The following INTS6 variants were observed in gnomAD, a reference collection of about 807,000 sequenced individuals.
INTS6 encodes DEAD box protein.
INTS6 carries 16 observed loss-of-function variants against 104.9 expected under a neutral mutation model. The ratio of observed to expected loss-of-function variants is 0.15; its 90% CI spans 0.10 to 0.23. The LOEUF (loss-of-function observed/expected upper bound fraction) is 0.23, where lower values mean the gene tolerates loss of function less well. Among genes scored for constraint, INTS6 ranks in the 10% least tolerant of loss-of-function variants. INTS6 has a pLI of 1.00. For missense variants in INTS6, 584 were observed against 1,062.8 expected, an observed-to-expected ratio of 0.55 and a Z score of 6.26; for synonymous variants, 324 against 358.7, an observed-to-expected ratio of 0.90 and a Z score of 1.09.
intron 4 of INTS6, among the ~76,000 whole-genome samples, chr13:51,403,117 T>C (rs528601026): frequency 6.6e-6 from 1 of 152,258 alleles, no homozygotes; most frequent in East Asian, 1.9e-4. Context: ...TTTTAAACTG[T>C]AGAATGTAAA....
intron 4 of INTS6, among the ~76,000 whole-genome samples, chr13:51,399,788 C>T (rs1956403464): frequency 6.6e-6 from 1 of 152,026 alleles, no homozygotes; most frequent in African/African-American, 2.4e-5. Flanking sequence ...AAGTGGAATA[C>T]CTTTTCATAC....
intron 7 of INTS6, 80 bp downstream of exon 7, chr13:51,387,306 G>T: frequency 7.6e-7 from 1 of 1,308,096 alleles, no homozygotes; most frequent in Non-Finnish European, 1.0e-6. Flanking sequence ...ATTAATCACA[G>T]CTTTGACAAC....
chr13:51,352,004 G>A (rs1446143403), downstream of INTS6, among the ~76,000 whole-genome samples: 1 of 152,016 alleles, frequency 6.6e-6, no homozygotes, highest in African/African-American at 2.4e-5. Flanking sequence ...ATAGATATTT[G>A]TATATTTGCC....
intron 3 of INTS6, chr13:51,444,095 T>G (rs1228222568): frequency 6.6e-6 from 1 of 152,520 alleles, no homozygotes; most frequent in Non-Finnish European, 1.5e-5. Context: ...TGTTTTGTTT[T>G]GTTTTTTTGA....
At chr13:51,338,228 C>G in the INTS6 span, among the ~76,000 whole-genome samples, 8 of 152,158 alleles carry the variant, frequency 5.3e-5, no homozygotes, top group Non-Finnish European at 1.2e-4. Flanking sequence ...CCCTGGAATT[C>G]CTGCTACAGG....
chr13:51,367,583 G>A (rs564213276), intron 17 of INTS6, among the ~76,000 whole-genome samples: 1 of 152,080 alleles, frequency 6.6e-6, no homozygotes, highest in African/African-American at 2.4e-5. Context: ...CCAGTAATTT[G>A]TAGGGAGAAA....
chr13:51,399,943 C>G (rs1956406583), intron 4 of INTS6, among the ~76,000 whole-genome samples: 1 of 152,118 alleles, frequency 6.6e-6, no homozygotes. Flanking sequence ...CAGGGATCCC[C>G]AAGTCTGTGG....
intron 4 of INTS6, among the ~76,000 whole-genome samples, chr13:51,413,008 A>G (rs9535660): frequency 0.12 from 17,970 of 152,182 alleles, 1,322 homozygotes; most frequent in South Asian, 0.21. Context: ...AATGCTTCAA[A>G]ATTTTATTCA....
At chr13:51,429,785 A>AATATATATATATAT (rs201277531) in intron 4 of INTS6, among the ~76,000 whole-genome samples, 14 of 92,344 alleles carry the variant, frequency 1.5e-4, no homozygotes, top group Non-Finnish European at 2.8e-4. Context: ...AAAAAAAAAA[A>AATATATATATATAT]ATATATATAT....
intron 3 of INTS6, chr13:51,437,045 G>A (rs1409982745): frequency 1.3e-5 from 2 of 152,134 alleles, no homozygotes; most frequent in African/African-American, 4.8e-5. Context: ...CTGAGGCTAA[G>A]ATTTCAGGAT....
intron 16 of INTS6, 117 bp downstream of exon 16, chr13:51,368,822 A>C: frequency 9.4e-7 from 1 of 1,066,074 alleles, no homozygotes; most frequent in Non-Finnish European, 1.3e-6. Context: ...ATGTTGTTCA[A>C]GACAGATCTA....
chr13:51,341,218 G>A, the INTS6 span: 45 of 1,614,008 alleles, frequency 2.8e-5, no homozygotes, highest in African/African-American at 4.0e-5. Context: ...GAGTGTGGCC[G>A]CGTGTAGAAA....
intron 15 of INTS6, among the ~76,000 whole-genome samples, chr13:51,370,905 GCTCAGAA>G (rs1385612955): frequency 1.3e-5 from 2 of 152,104 alleles, no homozygotes; most frequent in Non-Finnish European, 2.9e-5. Flanking sequence ...CTATTCCCTA[GCTCAGAA>G]CTCCCAACCG....
intron 3 of INTS6, chr13:51,445,150 C>T (rs2138157798): frequency 6.6e-6 from 1 of 152,218 alleles, no homozygotes; most frequent in East Asian, 1.9e-4. Context: ...AAGGCATGTG[C>T]TTTTTTCACA....
intron 4 of INTS6, among the ~76,000 whole-genome samples, chr13:51,421,745 A>T (rs1476608619): frequency 6.6e-6 from 1 of 152,170 alleles, no homozygotes; most frequent in Non-Finnish European, 1.5e-5. Context: ...TCTGACATGG[A>T]GAAGCATGAA....
chr13:51,451,207 A>AT (rs759774104), intron 2 of INTS6, 33 bp from the exon 3 acceptor site: 2 of 1,501,862 alleles, frequency 1.3e-6, no homozygotes, highest in Non-Finnish European at 8.9e-7. Context: ...TTTTTTTTTC[A>AT]TTTTTTAAAG....
At chr13:51,375,778 C>T (rs892783625) in intron 13 of INTS6, among the ~76,000 whole-genome samples, 6 of 151,228 alleles carry the variant, frequency 4.0e-5, no homozygotes, top group South Asian at 2.1e-4. Context: ...CGCGCGCGTG[C>T]GCGCATGAAT....
At chr13:51,336,928 T>C in the INTS6 span, among the ~76,000 whole-genome samples, 2 of 152,252 alleles carry the variant, frequency 1.3e-5, no homozygotes, top group Non-Finnish European at 2.9e-5. Flanking sequence ...GTGTTGCAGC[T>C]ATCAGCCGGG....
intron 9 of INTS6, 58 bp downstream of exon 9, chr13:51,383,271 G>A: frequency 7.0e-7 from 1 of 1,434,694 alleles, no homozygotes; most frequent in Non-Finnish European, 9.4e-7. Flanking sequence ...ACAAAGAAAT[G>A]CGCTTTAGGA....
Sources: gnomAD v4.1 joint callset for allele counts (sites outside exome capture counted in the v4.1 genomes callset) on GRCh38, gnomAD v4.1.1 for gene constraint, MANE v1.5 for transcripts, NCBI Gene and HGNC (gene_info 2026-07-23, HGNC 2026-07-21) for gene names.